TMEM117: variants seen among roughly 807,000 people sequenced by gnomAD.
The protein encoded by TMEM117 is transmembrane protein 117.
A neutral mutation model predicts 52.4 loss-of-function variants in TMEM117; 27 were observed. The observed-to-expected ratio is 0.51, with a 90% CI of 0.38 to 0.71. The LOEUF (loss-of-function observed/expected upper bound fraction) is 0.71. TMEM117 is among the 30% of genes least tolerant of loss of function. The pLI, the probability that TMEM117 is intolerant of heterozygous loss-of-function variation, is 0.00. For missense variants in TMEM117, 556 were observed against 630.5 expected, an observed-to-expected ratio of 0.88 and a Z score of 1.26; for synonymous variants, 215 against 206.3, an observed-to-expected ratio of 1.04 and a Z score of -0.36.
intron 2 of TMEM117, among the ~76,000 whole-genome samples, chr12:43,928,248 CT>C (rs1944813531): frequency 6.6e-6 from 1 of 151,762 alleles, no homozygotes; most frequent in African/African-American, 2.4e-5. Flanking sequence ...GGTTCTAGTT[CT>C]TTTTTTGGTT....
intron 2 of TMEM117, among the ~76,000 whole-genome samples, chr12:43,879,778 AATCT>A (rs1943864278): frequency 6.6e-6 from 1 of 152,244 alleles, no homozygotes; most frequent in African/African-American, 2.4e-5. Flanking sequence ...CCTTTGGAGT[AATCT>A]ATCTCCAGGC....
At chr12:44,038,786 A>G (rs1363736598) in intron 3 of TMEM117, among the ~76,000 whole-genome samples, 1 of 152,142 alleles carries the variant, frequency 6.6e-6, no homozygotes, top group Non-Finnish European at 1.5e-5. Flanking sequence ...ACACTTTAGG[A>G]GTTGTTTAAA....
chr12:44,287,288 C>T (rs1335745371), intron 5 of TMEM117, among the ~76,000 whole-genome samples: 1 of 152,122 alleles, frequency 6.6e-6, no homozygotes, highest in Non-Finnish European at 1.5e-5. Flanking sequence ...TGACTAGAGG[C>T]CAGAAACCAG....
chr12:44,333,859 G>A (rs1951305069), intron 6 of TMEM117, among the ~76,000 whole-genome samples: 1 of 151,984 alleles, frequency 6.6e-6, no homozygotes, highest in Non-Finnish European at 1.5e-5. Context: ...AGCCTGGTTA[G>A]AGTTTACCTA....
At chr12:43,797,065 T>C in the TMEM117 span, 1 of 1,606,006 alleles carries the variant, frequency 6.2e-7, no homozygotes, top group Non-Finnish European at 8.5e-7. Flanking sequence ...TCTCTTATAC[T>C]GCATGTGTAT....
chr12:44,296,596 C>G (rs887423064), intron 5 of TMEM117, among the ~76,000 whole-genome samples: 5 of 152,144 alleles, frequency 3.3e-5, no homozygotes, highest in Admixed American at 2.6e-4. Flanking sequence ...CTGAGAGGAG[C>G]TGGAACCAAG....
At chr12:44,107,571 TA>T (rs1227116311) in intron 3 of TMEM117, among the ~76,000 whole-genome samples, 1 of 152,100 alleles carries the variant, frequency 6.6e-6, no homozygotes, top group African/African-American at 2.4e-5. Flanking sequence ...ATTTTAATGT[TA>T]AAAATTAACA....
At chr12:44,040,847 T>C (rs542538179) in intron 3 of TMEM117, among the ~76,000 whole-genome samples, 7 of 152,220 alleles carry the variant, frequency 4.6e-5, no homozygotes, top group Non-Finnish European at 1.0e-4. Flanking sequence ...TCAGATTTCA[T>C]AGCATGATTA....
chr12:43,982,412 A>G (rs1437975132), intron 3 of TMEM117, among the ~76,000 whole-genome samples: 3 of 152,208 alleles, frequency 2.0e-5, no homozygotes, highest in Non-Finnish European at 4.4e-5. Context: ...CTGAGTCTAC[A>G]CACTGGCTTC....
chr12:43,846,492 G>C (rs1943210371), intron 2 of TMEM117, among the ~76,000 whole-genome samples: 1 of 152,106 alleles, frequency 6.6e-6, no homozygotes, highest in Non-Finnish European at 1.5e-5. Flanking sequence ...TCCCACCTCT[G>C]AACTAACCGA....
chr12:44,133,380 G>A (rs1948443592), intron 3 of TMEM117, among the ~76,000 whole-genome samples: 1 of 152,146 alleles, frequency 6.6e-6, no homozygotes, highest in Non-Finnish European at 1.5e-5. Context: ...TAACAGTACT[G>A]GTTCCAACAG....
intron 3 of TMEM117, among the ~76,000 whole-genome samples, chr12:44,117,741 G>T (rs1419689244): frequency 6.6e-6 from 1 of 151,906 alleles, no homozygotes; most frequent in African/African-American, 2.4e-5. Flanking sequence ...AACCATCTGT[G>T]TTTTTGTCTT....
intron 3 of TMEM117, among the ~76,000 whole-genome samples, chr12:44,102,395 G>A (rs1309264361): frequency 6.6e-6 from 1 of 151,962 alleles, no homozygotes; most frequent in Non-Finnish European, 1.5e-5. Flanking sequence ...GGAGAAGTGA[G>A]TTAGGTGATT....
At chr12:44,222,440 A>G (rs566284873) in intron 5 of TMEM117, among the ~76,000 whole-genome samples, 4 of 152,284 alleles carry the variant, frequency 2.6e-5, no homozygotes, top group Non-Finnish European at 5.9e-5. Context: ...TGTGATAATC[A>G]TTCTTTTATA....
chr12:44,164,656 G>A (rs1439590580), intron 4 of TMEM117, among the ~76,000 whole-genome samples: 1 of 151,896 alleles, frequency 6.6e-6, no homozygotes, highest in African/African-American at 2.4e-5. Flanking sequence ...TGTAAACTCT[G>A]GGATATAATA....
At chr12:44,095,213 T>G (rs907921738) in intron 3 of TMEM117, among the ~76,000 whole-genome samples, 1 of 152,090 alleles carries the variant, frequency 6.6e-6, no homozygotes, top group Admixed American at 6.6e-5. Context: ...AGCAGTTTAG[T>G]GAAAGTCTGA....
intron 3 of TMEM117, among the ~76,000 whole-genome samples, chr12:44,119,457 G>A (rs1390949117): frequency 6.6e-6 from 1 of 152,180 alleles, no homozygotes; most frequent in Non-Finnish European, 1.5e-5. Context: ...AAAGTCAGGA[G>A]AGTGTAAACG....
intron 2 of TMEM117, among the ~76,000 whole-genome samples, chr12:43,872,057 C>T (rs1943715242): frequency 1.3e-5 from 2 of 152,152 alleles, no homozygotes; most frequent in Non-Finnish European, 2.9e-5. Flanking sequence ...CCATGCTCAG[C>T]TAATTCCTTT....
At position 44,303,544 on chromosome 12, in the gene TMEM117, G is replaced by A. The variant is rs12300084; in HGVS notation, c.768+3805G>A. ...TGTATCACATTTTTCTGTGGTTTTA[G>A]TAAACTCACTAGAACTAGGGCATAA... On this transcript the variant is annotated intron_variant, in intron 6 of 7. Coordinates refer to ENST00000266534, the MANE Select transcript of TMEM117 (RefSeq NM_032256.3). Among the ~76,000 whole-genome samples, 561 of 152,110 alleles carry A rather than the reference G, an allele frequency of 3.7e-3. 4 individuals carry two copies. The highest frequency in any genetic ancestry group is 0.013 in the African/African-American group (532 of 41,488).
Sources: gnomAD v4.1 joint callset for allele counts (sites outside exome capture counted in the v4.1 genomes callset) on GRCh38, gnomAD v4.1.1 for gene constraint, MANE v1.5 for transcripts, NCBI Gene and HGNC (gene_info 2026-07-23, HGNC 2026-07-21) for gene names.